The following SND1 variants were observed in gnomAD, a reference collection of about 807,000 sequenced individuals.
The protein encoded by SND1 is staphylococcal nuclease domain-containing protein 1.
SND1 carries 38 observed loss-of-function variants against 121.7 expected under a neutral mutation model. The observed-to-expected ratio is 0.31, with a 90% CI of 0.24 to 0.41. SND1 has a LOEUF of 0.41. Ranked by LOEUF, SND1 falls within the 10% of genes least tolerant of loss-of-function variation. The pLI, the probability that SND1 is intolerant of heterozygous loss-of-function variation, is 1.00. For synonymous variants in SND1, 401 were observed against 447.4 expected (o/e 0.90, Z 1.31); for missense variants, 868 against 1,184.6 (o/e 0.73, Z 3.92).
chr7:127,922,189 T>TTG (rs1563058961), intron 14 of SND1, among the ~76,000 whole-genome samples: 15 of 95,520 alleles, frequency 1.6e-4, no homozygotes, highest in Middle Eastern at 4.5e-3. Context: ...TTTTTTTTTT[T>TTG]TTTTTTTTTT....
At chr7:127,662,094 C>T (rs550016432) in intron 1 of SND1, among the ~76,000 whole-genome samples, 84 of 151,862 alleles carry the variant, frequency 5.5e-4, no homozygotes, top group African/African-American at 2.0e-3. Context: ...GCAGCCTGGG[C>T]GGCAGAGGAA....
chr7:128,059,344 C>T (rs138728117), intron 16 of SND1, among the ~76,000 whole-genome samples: 1 of 152,226 alleles, frequency 6.6e-6, no homozygotes, highest in Admixed American at 6.5e-5. Flanking sequence ...ATCGTGTCTT[C>T]TCATCTAAAT....
intron 12 of SND1, among the ~76,000 whole-genome samples, chr7:127,859,754 C>T (rs1224171315): frequency 2.0e-5 from 3 of 152,026 alleles, no homozygotes; most frequent in Non-Finnish European, 4.4e-5. Context: ...CCTAGAGGTT[C>T]TTGTTTTATT....
intron 17 of SND1, among the ~76,000 whole-genome samples, 162 bp from the exon 18 acceptor site, chr7:128,081,198 A>G (rs1793595354): frequency 2.0e-5 from 3 of 151,982 alleles, no homozygotes; most frequent in Admixed American, 6.6e-5. Flanking sequence ...GAGTTTCACC[A>G]TATTGGCCAG....
chr7:128,053,292 C>A lies in SND1; in HGVS notation c.1780-21210C>A, dbSNP rs116637957. On this transcript the variant is annotated intron_variant, in intron 16 of 23. Coordinates refer to ENST00000354725, the MANE Select transcript of SND1 (RefSeq NM_014390.4). ...CTCTTTTATCCCATACAAGCATGTA[C>A]CTGAAACTTCAAGAAGCCCCTCTCT... Among the ~76,000 whole-genome samples the A allele has an allele frequency of 5.1e-3, 783 of 152,324 alleles. 5 individuals are homozygous for A. The highest frequency in any genetic ancestry group is 0.018 in the African/African-American group (755 of 41,578).
At chr7:128,084,533 A>G (rs1793656865) in intron 18 of SND1, among the ~76,000 whole-genome samples, 191 bp from the exon 19 acceptor site, 1 of 152,252 alleles carries the variant, frequency 6.6e-6, no homozygotes, top group Non-Finnish European at 1.5e-5. Context: ...CCACTTCTGA[A>G]GGCAGATGGC....
chr7:127,854,730 G>A (rs964843523), intron 12 of SND1, among the ~76,000 whole-genome samples: 2 of 151,870 alleles, frequency 1.3e-5, no homozygotes, highest in Non-Finnish European at 2.9e-5. Flanking sequence ...AAACTTATGG[G>A]TCTTTTCTAT....
chr7:127,772,367 C>T (rs1422808571), intron 10 of SND1, among the ~76,000 whole-genome samples: 1 of 152,198 alleles, frequency 6.6e-6, no homozygotes, highest in Non-Finnish European at 1.5e-5. Context: ...AAAACCCTTA[C>T]TGTAAATAGC....
At chr7:127,922,189 T>TTTTTTTTTTTTTTTTTTTTTG (rs1800726194) in intron 14 of SND1, among the ~76,000 whole-genome samples, 4 of 95,456 alleles carry the variant, frequency 4.2e-5, no homozygotes, top group African/African-American at 1.5e-4. Flanking sequence ...TTTTTTTTTT[T>TTTTTTTTTTTTTTTTTTTTTG]TTTTTTTTTT....
At chr7:127,720,307 T>C (rs1467465480) in intron 9 of SND1, among the ~76,000 whole-genome samples, 1 of 152,216 alleles carries the variant, frequency 6.6e-6, no homozygotes, top group African/African-American at 2.4e-5. Context: ...GAGGCCCGAT[T>C]GAAGCCTAGA....
intron 3 of SND1, among the ~76,000 whole-genome samples, chr7:127,695,368 G>A (rs747804594): frequency 1.1e-4 from 17 of 152,016 alleles, no homozygotes; most frequent in Non-Finnish European, 2.1e-4. Flanking sequence ...ATTTGTTGAG[G>A]GCCTGTGGTT....
chr7:128,028,462 G>A, intron 16 of SND1: 1 of 466,390 alleles, frequency 2.1e-6, no homozygotes. Context: ...ACGTTCCCAA[G>A]ATTCCCCCCC....
intron 12 of SND1, among the ~76,000 whole-genome samples, chr7:127,865,393 A>G (rs1255384718): frequency 6.6e-6 from 1 of 152,232 alleles, no homozygotes; most frequent in South Asian, 2.1e-4. Context: ...AAGATGCCAT[A>G]CAGATGTCAA....
At chr7:127,715,752 T>C (rs1050301251) in intron 9 of SND1, among the ~76,000 whole-genome samples, 1 of 152,252 alleles carries the variant, frequency 6.6e-6, no homozygotes, top group South Asian at 2.1e-4. Context: ...TATTGTTGCC[T>C]GTTCCTTTGG....
intron 1 of SND1, among the ~76,000 whole-genome samples, chr7:127,681,734 A>G (rs1206327827): frequency 1.3e-5 from 2 of 152,138 alleles, no homozygotes; most frequent in Non-Finnish European, 2.9e-5. Flanking sequence ...TTTTTGTTGA[A>G]AGGACTACTC....
intron 12 of SND1, among the ~76,000 whole-genome samples, chr7:127,870,841 T>A (rs1799571586): frequency 6.6e-6 from 1 of 152,190 alleles, no homozygotes; most frequent in Non-Finnish European, 1.5e-5. Flanking sequence ...TAAATTAACC[T>A]TAGATTACTG....
intron 13 of SND1, among the ~76,000 whole-genome samples, chr7:127,888,435 A>G (rs1799951408): frequency 3.9e-5 from 6 of 152,122 alleles, no homozygotes; most frequent in Admixed American, 3.9e-4. Context: ...ACCTTTTGTC[A>G]TGTACAAAGG....
chr7:128,028,490 C>A, intron 16 of SND1: 11 of 540,802 alleles, frequency 2.0e-5, no homozygotes, highest in Middle Eastern at 5.4e-4. Flanking sequence ...TTAAATAGAA[C>A]TTACAAGTTA....
chr7:127,826,840 T>G (rs1271299094), intron 11 of SND1, among the ~76,000 whole-genome samples: 1 of 152,160 alleles, frequency 6.6e-6, no homozygotes, highest in Non-Finnish European at 1.5e-5. Flanking sequence ...AGAGCCAGAG[T>G]CATTAACAGA....
Sources: allele counts gnomAD v4.1 joint callset (sites outside exome capture counted in the v4.1 genomes callset), GRCh38; gene constraint gnomAD v4.1.1; transcripts MANE v1.5; gene names NCBI Gene and HGNC (gene_info 2026-07-23, HGNC 2026-07-21).